Variants in SLC4A10 observed in about 807,000 individuals in gnomAD.
SLC4A10 encodes the protein sodium-driven chloride bicarbonate exchanger.
Under a neutral mutation model 137.7 loss-of-function variants are expected in SLC4A10, and 42 were observed. The ratio of observed to expected loss-of-function variants is 0.30; its 90% CI spans 0.24 to 0.39. The LOEUF (loss-of-function observed/expected upper bound fraction) is 0.39, where lower values mean the gene tolerates loss of function less well. Among genes scored for constraint, SLC4A10 ranks in the 10% least tolerant of loss-of-function variants. SLC4A10 has a pLI of 1.00. For missense variants in SLC4A10, 925 were observed against 1,355.0 expected, an observed-to-expected ratio of 0.68 and a Z score of 4.98; for synonymous variants, 474 against 464.1, an observed-to-expected ratio of 1.02 and a Z score of -0.27.
At chr2:161,626,870 C>G (rs1328685547) in intron 1 of SLC4A10, among the ~76,000 whole-genome samples, 1 of 152,060 alleles carries the variant, frequency 6.6e-6, no homozygotes, top group East Asian at 1.9e-4. Context: ...GAAGTTTTTA[C>G]GCTTGGAAGA....
chr2:161,679,967 C>T (rs763453579), intron 1 of SLC4A10, among the ~76,000 whole-genome samples: 4 of 151,998 alleles, frequency 2.6e-5, no homozygotes, highest in Non-Finnish European at 5.9e-5. Flanking sequence ...GCCACCTCTC[C>T]CAAGTGTACA....
intron 15 of SLC4A10, among the ~76,000 whole-genome samples, chr2:161,930,487 A>G (rs528081787): frequency 6.5e-4 from 99 of 151,416 alleles, no homozygotes; most frequent in African/African-American, 2.3e-3. Context: ...GTCTCTTTTA[A>G]TTCTCAAGAA....
intron 5 of SLC4A10, among the ~76,000 whole-genome samples, chr2:161,855,759 T>C (rs1426706876): frequency 6.6e-6 from 1 of 152,068 alleles, no homozygotes; most frequent in East Asian, 1.9e-4. Context: ...GGCAAACATA[T>C]TTTAGTAAAA....
intron 1 of SLC4A10, among the ~76,000 whole-genome samples, chr2:161,677,809 G>A (rs1183590865): frequency 6.6e-6 from 1 of 152,162 alleles, no homozygotes; most frequent in Non-Finnish European, 1.5e-5. Context: ...GCTAGTGAAT[G>A]ACACAGTCAG....
chr2:161,686,188 T>C (rs2041384963), intron 1 of SLC4A10, among the ~76,000 whole-genome samples: 1 of 152,332 alleles, frequency 6.6e-6, no homozygotes, highest in East Asian at 1.9e-4. Context: ...ATATTTTTAG[T>C]ATATAAACCA....
At chr2:161,962,632 A>C (rs1360004770) in intron 21 of SLC4A10, among the ~76,000 whole-genome samples, 8 of 152,168 alleles carry the variant, frequency 5.3e-5, no homozygotes, top group Non-Finnish European at 8.8e-5. Flanking sequence ...CCTGCATAGA[A>C]TGTTTCAATA....
intron 1 of SLC4A10, among the ~76,000 whole-genome samples, chr2:161,671,700 G>A (rs575758592): frequency 6.6e-6 from 1 of 152,034 alleles, no homozygotes; most frequent in African/African-American, 2.4e-5. Flanking sequence ...AAAGAAAACA[G>A]ACAAAACATC....
At chr2:161,734,570 T>G (rs1017971595) in intron 1 of SLC4A10, among the ~76,000 whole-genome samples, 8 of 152,334 alleles carry the variant, frequency 5.3e-5, no homozygotes, top group African/African-American at 1.9e-4. Flanking sequence ...ACAAAATGTA[T>G]TCATTTATTT....
At chr2:161,809,002 A>G (rs552631590) in intron 3 of SLC4A10, among the ~76,000 whole-genome samples, 24 of 152,330 alleles carry the variant, frequency 1.6e-4, no homozygotes, top group Admixed American at 1.2e-3. Context: ...TGCTTTCCAC[A>G]GTGGCTGAAC....
intron 15 of SLC4A10, among the ~76,000 whole-genome samples, chr2:161,941,955 T>G (rs1361661985): frequency 6.6e-6 from 1 of 152,200 alleles, no homozygotes; most frequent in African/African-American, 2.4e-5. Context: ...CAGTTGTTTT[T>G]GCAATAATAG....
chr2:161,904,309 T>G (rs1683819857), intron 13 of SLC4A10, 131 bp downstream of exon 13: 6 of 957,142 alleles, frequency 6.3e-6, no homozygotes, highest in Non-Finnish European at 9.0e-6. Context: ...AGATACACCT[T>G]ATATGAATTT....
At chr2:161,927,690 C>A (rs1204607169) in intron 15 of SLC4A10, among the ~76,000 whole-genome samples, 1 of 152,124 alleles carries the variant, frequency 6.6e-6, no homozygotes, top group East Asian at 1.9e-4. Flanking sequence ...AAACAAACAA[C>A]CCCATCAAAA....
At chr2:161,712,065 C>A (rs1453759749) in intron 1 of SLC4A10, among the ~76,000 whole-genome samples, 2 of 151,790 alleles carry the variant, frequency 1.3e-5, no homozygotes, top group African/African-American at 4.8e-5. Flanking sequence ...ATCTCTTTAT[C>A]AAATAAGAAA....
intron 1 of SLC4A10, among the ~76,000 whole-genome samples, chr2:161,669,447 T>C (rs1390708042): frequency 6.6e-6 from 1 of 151,900 alleles, no homozygotes; most frequent in African/African-American, 2.4e-5. Flanking sequence ...TAGTGTTTCA[T>C]TGGACTGCCT....
intron 11 of SLC4A10, among the ~76,000 whole-genome samples, chr2:161,896,462 G>A (rs189002679): frequency 1.3e-5 from 2 of 152,188 alleles, no homozygotes; most frequent in African/African-American, 4.8e-5. Flanking sequence ...AAAGTCACTG[G>A]TAGCTTGATG....
At chr2:161,716,870 T>C (rs2044969189) in intron 1 of SLC4A10, among the ~76,000 whole-genome samples, 1 of 151,926 alleles carries the variant, frequency 6.6e-6, no homozygotes. Context: ...AATCATTGAA[T>C]CTATAAATTA....
At chr2:161,729,476 A>G (rs929255205) in intron 1 of SLC4A10, among the ~76,000 whole-genome samples, 1 of 152,198 alleles carries the variant, frequency 6.6e-6, no homozygotes, top group African/African-American at 2.4e-5. Flanking sequence ...ATAGGAATCT[A>G]TACATGTGAT....
At position 161,918,214 on chromosome 2, in the gene SLC4A10, G is replaced by A. The variant is rs759347678; in HGVS notation, c.1997+12327G>A. Among the ~76,000 whole-genome samples, 18 of 152,212 alleles carry A rather than the reference G, an allele frequency of 1.2e-4. No homozygotes were observed. The Middle Eastern group carries it at 0.01, about 86-fold the overall frequency. The stretch of plus-strand genomic sequence containing the variant: ...TCTGTCACCCAGGCTGGCGTGCAGC[G>A]GTGCAATCTCAGCTCACTGCAACCT... On this transcript the variant is annotated intron_variant, in intron 15 of 26. Coordinates refer to ENST00000446997, the MANE Select transcript of SLC4A10 (RefSeq NM_001178015.2).
chr2:161,737,470 G>A (rs1461484269), intron 1 of SLC4A10, among the ~76,000 whole-genome samples: 5 of 151,304 alleles, frequency 3.3e-5, no homozygotes, highest in African/African-American at 1.2e-4. Flanking sequence ...TTTAGTGGAT[G>A]TAGTTTTTCT....
Sources: allele counts gnomAD v4.1 joint callset (sites outside exome capture counted in the v4.1 genomes callset), GRCh38; gene constraint gnomAD v4.1.1; transcripts MANE v1.5; gene names NCBI Gene and HGNC (gene_info 2026-07-23, HGNC 2026-07-21).